DIXDC1: variants seen among roughly 807,000 people sequenced by gnomAD.
The protein encoded by DIXDC1 is dixin.
In DIXDC1, 64 loss-of-function variants were observed where a neutral mutation model predicts 103.1. The observed-to-expected ratio is 0.62, with a 90% confidence interval of 0.51 to 0.76. The LOEUF (loss-of-function observed/expected upper bound fraction) is 0.76, where lower values mean the gene tolerates loss of function less well. DIXDC1 is among the 30% of genes least tolerant of loss of function. DIXDC1 has a pLI of 0.00. For synonymous variants in DIXDC1, 266 were observed against 298.5 expected, an observed-to-expected ratio of 0.89 and a Z score of 1.12; for missense variants, 759 against 834.2, an observed-to-expected ratio of 0.91 and a Z score of 1.11.
rs2137541780 is a variant in DIXDC1 at position 111,977,606 on chromosome 11, T to C, written c.656+2623T>C. ...CGCCGCCGCCGCCGCCGTTCCCGCT[T>C]TCTCCCGCGAGCCGGGCCAGTAGCT... On this transcript the variant is annotated intron_variant, in intron 5 of 19. Coordinates refer to ENST00000440460, the MANE Select transcript of DIXDC1 (RefSeq NM_001037954.4). This position sits in a 1 kb window ranked among gnomAD's most constrained non-coding sequence, Gnocchi z 6.1. The C allele has an allele frequency of 6.6e-7, 1 of 1,519,186 alleles. No individual in the cohort carries two copies. The highest frequency in any genetic ancestry group is 2.5e-5 in the East Asian group (1 of 39,482). 94.1% of individuals were successfully genotyped at this position (1,519,186 alleles called of 1,614,324 possible).
At chr11:112,003,687 A>G (rs782496534) in intron 17 of DIXDC1, among the ~76,000 whole-genome samples, 2 of 151,002 alleles carry the variant, frequency 1.3e-5, no homozygotes, top group African/African-American at 2.4e-5. Flanking sequence ...TAATCCAGCT[A>G]CTCGGGAGGC....
At chr11:111,956,013 C>T (rs2137485577) in intron 1 of DIXDC1, among the ~76,000 whole-genome samples, 1 of 151,864 alleles carries the variant, frequency 6.6e-6, no homozygotes, top group South Asian at 2.1e-4. Flanking sequence ...CACACACACA[C>T]ACACACACAC....
intron 2 of DIXDC1, among the ~76,000 whole-genome samples, chr11:111,966,228 C>CTTTTTTTTTTTTTTTTTTTTTTTTTTTT (rs71060203): frequency 1.1e-5 from 1 of 91,702 alleles, no homozygotes; most frequent in Non-Finnish European, 2.0e-5. Context: ...TTTTTTTTTC[C>CTTTTTTTTTTTTTTTTTTTTTTTTTTTT]TTTTTTTTTT....
chr11:112,019,976 A>G lies in DIXDC1; in HGVS notation c.*940A>G, dbSNP rs1225866581. 3.3e-5 allele frequency: 5 copies of G among 152,202 alleles called. No homozygotes were observed. The highest frequency in any genetic ancestry group is 7.3e-5 in the Non-Finnish European group (5 of 68,036). The allele number at this position is 152,202 out of a possible 1,614,324, so 9.4% of individuals were successfully genotyped here. On this transcript the variant is annotated 3_prime_UTR_variant, in exon 20 of 20. Transcript: ENST00000440460. ...TAATTTCAGCATTTCTTTGTGATTT[A>G]TAAGTACTGAGCATGAAGTACTTGT...
intron 1 of DIXDC1, 88 bp from the exon 2 acceptor site, chr11:111,964,461 C>T: frequency 2.7e-6 from 4 of 1,474,788 alleles, no homozygotes; most frequent in South Asian, 2.5e-5. Context: ...TTATTATACC[C>T]CAGTCACAAA....
chr11:112,004,066 G>A (rs587673435), intron 17 of DIXDC1, among the ~76,000 whole-genome samples: 10 of 145,122 alleles, frequency 6.9e-5, no homozygotes, highest in African/African-American at 2.3e-4. Context: ...ATATATATGT[G>A]TATATATATG....
intron 1 of DIXDC1, among the ~76,000 whole-genome samples, chr11:111,955,054 G>A (rs1304290168): frequency 1.3e-5 from 2 of 152,066 alleles, no homozygotes; most frequent in Non-Finnish European, 2.9e-5. Flanking sequence ...TACCTCGGTA[G>A]CAGTGAGCAC....
chr11:111,980,780 A>G lies in DIXDC1; in HGVS notation c.700A>G (p.Ile234Val). The stretch of plus-strand genomic sequence containing the variant: ...AATCCACAGTGCAAAGAGCGAGTCC[A>G]TTATAACCCAGTCAGAAGAGAAGGC... ...SPIHSAKSES[I>V]ITQSEEKADF... Residue 234 changes from isoleucine (I) to valine (V), a missense_variant, in exon 6 of 20, where the codon ATT becomes GTT. Ile to Val is a conservative substitution (Grantham distance 29). Coordinates refer to ENST00000440460, the MANE Select transcript of DIXDC1 (RefSeq NM_001037954.4). 1.2e-6 allele frequency: 2 copies of G among 1,613,990 alleles called. No homozygotes were observed. The highest frequency in any genetic ancestry group is 1.1e-5 in the South Asian group (1 of 91,076).
At chr11:111,955,693 G>C (rs782522028) in intron 1 of DIXDC1, among the ~76,000 whole-genome samples, 2 of 151,634 alleles carry the variant, frequency 1.3e-5, no homozygotes, top group African/African-American at 2.4e-5. Context: ...AAATTAGCCA[G>C]GCATAGTGGC....
Position 111,974,940 on chromosome 11 carries a change from T to C in DIXDC1, c.613T>C (p.Tyr205His), listed in dbSNP as rs1592584148. 6.2e-7 allele frequency: 1 copy of C among 1,613,438 alleles called. No individual in the cohort carries two copies. The highest frequency in any genetic ancestry group is 2.2e-5 in the East Asian group (1 of 44,864). Residue 205 changes from tyrosine to histidine, a missense_variant, in exon 5 of 20, where the codon TAC becomes CAC. By Grantham distance (83) the Tyr-to-His change is moderately conservative (BLOSUM62 2). Around this residue, in one of 3 missense-constraint regions of DIXDC1, gnomAD observed 657 missense variants for 727.5 expected, o/e 0.90. Transcript: ENST00000440460. ...YWSVRALVQQ[Y>H]EGQQRSPSES... ...GAGTGTGCGGGCCCTAGTGCAGCAGTACGAAGGGCAACAAAGGTCCCCGTC... is the reference window on the plus strand; with the variant it reads ...GAGTGTGCGGGCCCTAGTGCAGCAGCACGAAGGGCAACAAAGGTCCCCGTC...
chr11:111,944,726 C>G (rs1319549636), intron 1 of DIXDC1, among the ~76,000 whole-genome samples: 1 of 152,202 alleles, frequency 6.6e-6, no homozygotes, highest in Non-Finnish European at 1.5e-5. Flanking sequence ...ACTGCTCTCA[C>G]AACTTTAGAG....
chr11:111,944,927 A>G (rs1399846046), intron 1 of DIXDC1, among the ~76,000 whole-genome samples: 1 of 152,192 alleles, frequency 6.6e-6, no homozygotes, highest in African/African-American at 2.4e-5. Context: ...CCAGACTGAG[A>G]TTAGTTCAAC....
intron 3 of DIXDC1, among the ~76,000 whole-genome samples, chr11:111,972,668 A>G (rs1859974572): frequency 6.6e-6 from 1 of 152,140 alleles, no homozygotes; most frequent in Admixed American, 6.5e-5. Context: ...GGCTCTGCCT[A>G]TGCTGAACTT....
chr11:111,995,744 A>G (rs1860877743), intron 16 of DIXDC1, among the ~76,000 whole-genome samples, 180 bp downstream of exon 16: 1 of 152,198 alleles, frequency 6.6e-6, no homozygotes, highest in Non-Finnish European at 1.5e-5. Context: ...ATGACAATCC[A>G]GAGAAGAAGT....
chr11:112,013,111 C>T (rs587624670), intron 17 of DIXDC1, among the ~76,000 whole-genome samples: 1 of 152,218 alleles, frequency 6.6e-6, no homozygotes, highest in South Asian at 2.1e-4. Flanking sequence ...GGTGAGGGCT[C>T]CTTGCCTGGC....
Position 111,992,516 on chromosome 11 carries a change from G to C in DIXDC1, c.1215G>C (p.Gln405His). 6.4e-7 allele frequency: 1 copy of C among 1,562,256 alleles called. No individual in the cohort carries two copies. Among genetic ancestry groups the C allele is most frequent in the African/African-American group, 1.4e-5 (1 of 73,726 alleles). The change falls in exon 11 of 20, where the codon CAG becomes CAC. Residue 405 changes from glutamine (Q) to histidine (H), a missense_variant. By Grantham distance (24) the Gln-to-His change is conservative. Transcript: ENST00000440460. ...TGGACAAAGATGAGCTGCACAACCA[G>C]AATGTGAGTTAAATGAATGAGCCTT... Reference protein sequence around the residue: ...ANMDKDELHNQNVDLQRKLDE... With the variant: ...ANMDKDELHNHNVDLQRKLDE...
intron 5 of DIXDC1, chr11:111,975,824 T>G: frequency 2.0e-6 from 2 of 985,338 alleles, no homozygotes; most frequent in Non-Finnish European, 2.4e-6. Context: ...AACTCCATCC[T>G]ATTTTAATGC....
upstream of DIXDC1, chr11:111,937,159 G>A (rs1336175761): frequency 3.1e-6 from 3 of 967,054 alleles, no homozygotes; most frequent in African/African-American, 1.8e-5. Flanking sequence ...GTGCGTGCGG[G>A]CGTGCAGCGC....
Position 111,989,016 on chromosome 11 carries a change from G to C in DIXDC1, c.1074G>C (p.Leu358=). 6.2e-7 allele frequency: 1 copy of C among 1,611,298 alleles called. No homozygotes were observed. Among genetic ancestry groups the C allele is most frequent in the Non-Finnish European group, 8.5e-7 (1 of 1,178,888 alleles). The change falls in exon 10 of 20, where the codon CTG becomes CTC. Residue 358 remains leucine, a synonymous_variant. Coordinates refer to ENST00000440460, the MANE Select transcript of DIXDC1 (RefSeq NM_001037954.4). ...EENQDLKKEL[L]KCKQEARNLQ... is the part of the protein sequence containing the mutation. The stretch of plus-strand genomic sequence containing the variant: ...TATTTGGTTTGCAGAAGGAACTGCT[G>C]AAATGTAAACAAGAAGCCAGAAACT...
Sources: allele counts gnomAD v4.1 joint callset (sites outside exome capture counted in the v4.1 genomes callset), GRCh38; gene constraint gnomAD v4.1.1; regional missense constraint gnomAD v4.1.1; non-coding constraint Gnocchi (gnomAD v3.1); transcripts MANE v1.5; gene names NCBI Gene and HGNC (gene_info 2026-07-23, HGNC 2026-07-21).